Variants in ZNF618 observed in about 807,000 individuals in gnomAD.
ZNF618 encodes neural precursor cell expressed, developmentally down-regulated 10.
ZNF618 carries 34 observed loss-of-function variants against 103.0 expected under a neutral mutation model. The ratio of observed to expected loss-of-function variants is 0.33; its 90% CI spans 0.25 to 0.44. ZNF618 has a LOEUF of 0.44. ZNF618 is among the 20% of genes least tolerant of loss of function. The pLI, the probability that ZNF618 is intolerant of heterozygous loss-of-function variation, is 1.00. For synonymous variants in ZNF618, 551 were observed against 542.2 expected, an observed-to-expected ratio of 1.02 and a Z score of -0.23; for missense variants, 1,059 against 1,295.4, an observed-to-expected ratio of 0.82 and a Z score of 2.80.
intron 11 of ZNF618, 76 bp downstream of exon 11, chr9:114,029,048 G>A: frequency 9.4e-6 from 14 of 1,494,134 alleles, no homozygotes; most frequent in East Asian, 2.5e-5. Flanking sequence ...TGTGCCTGGG[G>A]TTGTTGTTGC....
intron 1 of ZNF618, among the ~76,000 whole-genome samples, chr9:113,917,504 C>G (rs977859304): frequency 1.3e-5 from 2 of 151,672 alleles, no homozygotes; most frequent in Admixed American, 6.6e-5. Context: ...TCCACCTGTC[C>G]CGGCCTCCTA....
At chr9:113,881,415 TA>T (rs1441254669) in intron 1 of ZNF618, among the ~76,000 whole-genome samples, 2 of 152,174 alleles carry the variant, frequency 1.3e-5, no homozygotes, top group African/African-American at 4.8e-5. Context: ...TTAAGGAAAG[TA>T]AAAGAAACGG....
chr9:113,877,084 T>G (rs1050285741), intron 1 of ZNF618, among the ~76,000 whole-genome samples: 5 of 152,068 alleles, frequency 3.3e-5, no homozygotes, highest in Non-Finnish European at 5.9e-5. Flanking sequence ...TTTTTTTTTC[T>G]TTTTTCGGGT....
At position 114,002,003 on chromosome 9, in the gene ZNF618, C is replaced by T. The variant is rs4978561; in HGVS notation, c.441C>T (p.Tyr147=). Residue 147 remains tyrosine (Y), a synonymous_variant, in exon 5 of 15, where the codon TAC becomes TAT. Coordinates refer to ENST00000374126, the MANE Select transcript of ZNF618 (RefSeq NM_001318042.2). ...TCCTCTTCTGTTTTCCAGGGTCTTA[C>T]GAATGCGGAATCTGTGGCAAGAAGT... ...DQALRYASGS[Y]ECGICGKKYK... 0.35 allele frequency: 562,910 copies of T among 1,611,940 alleles called. 104,481 individuals are homozygous for T. The highest frequency in any genetic ancestry group is 0.64 in the East Asian group (28,915 of 44,830).
At chr9:113,901,037 C>T (rs1187193899) in intron 1 of ZNF618, among the ~76,000 whole-genome samples, 1 of 65,692 alleles carries the variant, frequency 1.5e-5, no homozygotes, top group African/African-American at 6.6e-5. Context: ...CTAACCCGAC[C>T]TCCTGTCTCC....
intron 13 of ZNF618, among the ~76,000 whole-genome samples, chr9:114,044,770 A>G (rs568947421): frequency 2.0e-5 from 3 of 151,814 alleles, no homozygotes; most frequent in South Asian, 2.1e-4. Context: ...TTAATTAAGC[A>G]TATTCCTAAG....
chr9:114,048,609 A>T, intron 14 of ZNF618, 42 bp from the exon 15 acceptor site: 1 of 1,569,496 alleles, frequency 6.4e-7, no homozygotes. Flanking sequence ...AGCAGCCTTG[A>T]ATGCCAGAAT....
chr9:113,879,396 T>TG lies in ZNF618; in HGVS notation c.33+2984dup, dbSNP rs1178019051. On this transcript the variant is annotated intron_variant, in intron 1 of 14. Coordinates refer to ENST00000374126, the MANE Select transcript of ZNF618 (RefSeq NM_001318042.2). The stretch of plus-strand genomic sequence containing the variant: ...TGTAGAACTGTTTTTTTTTTTTTTC[T>TG]GTTTTTTTTTTTTTTTTAAATTGGT... Among the ~76,000 whole-genome samples, 304 of 133,490 alleles carry TG rather than the reference T, an allele frequency of 2.3e-3. 1 individual carries two copies. The highest frequency in any genetic ancestry group is 9.2e-3 in the African/African-American group (288 of 31,428). The allele number at this position is 133,490 out of a possible 152,430, so 87.6% of individuals were successfully genotyped here. A position where few individuals can be genotyped will look rare whatever the true frequency, so the allele number is the denominator to read the frequency against.
At chr9:113,907,405 G>T (rs1419980288) in intron 1 of ZNF618, among the ~76,000 whole-genome samples, 1 of 152,072 alleles carries the variant, frequency 6.6e-6, no homozygotes, top group Non-Finnish European at 1.5e-5. Flanking sequence ...CCCTGCCCTG[G>T]TGAGTTTTTT....
In ZNF618 at chr9:114,049,387, C is replaced by A; in HGVS notation, c.2085C>A (p.Asn695Lys). Residue 695 changes from asparagine (N) to lysine (K), a missense_variant, in exon 15 of 15, where the codon AAC (asparagine) becomes AAA (lysine). Coordinates refer to ENST00000374126, the MANE Select transcript of ZNF618 (RefSeq NM_001318042.2). ...AGACGTCTCCACCACCCTGCTGGAA[C>A]TCGGTGACGGACTCACTGTTGCTGG... ...LEETSPPPCWNSVTDSLLLVH... is the reference protein window; with the variant it reads ...LEETSPPPCWKSVTDSLLLVH... 6.2e-7 allele frequency: 1 copy of A among 1,604,634 alleles called. No homozygotes were observed. Among genetic ancestry groups the A allele is most frequent in the South Asian group, 1.1e-5 (1 of 89,724 alleles).
intron 11 of ZNF618, 26 bp downstream of exon 11, chr9:114,028,998 C>T: frequency 6.5e-7 from 1 of 1,539,620 alleles, no homozygotes; most frequent in African/African-American, 1.4e-5. Flanking sequence ...GTGACCCCCA[C>T]ACTTTCTCCC....
chr9:113,988,599 T>G lies in ZNF618; in HGVS notation c.337+19T>G. Reference sequence around the variant, plus strand: ...ACCCTTGGTGAGTGCCCAGCGTCTGTGGTCAGGGTGGAGACCAGGGTGGGA... The same window carrying G: ...ACCCTTGGTGAGTGCCCAGCGTCTGGGGTCAGGGTGGAGACCAGGGTGGGA... On this transcript the variant is annotated intron_variant, in intron 3 of 14. Transcript: ENST00000374126. 2.5e-6 allele frequency: 4 copies of G among 1,592,010 alleles called. No individual in the cohort carries two copies. The highest frequency in any genetic ancestry group is 3.4e-6 in the Non-Finnish European group (4 of 1,172,286).
intron 1 of ZNF618, among the ~76,000 whole-genome samples, chr9:113,965,518 A>G (rs1399241074): frequency 6.6e-6 from 1 of 151,970 alleles, no homozygotes; most frequent in Non-Finnish European, 1.5e-5. Context: ...GCTTAGATAC[A>G]CCTTCACCCC....
chr9:114,036,289 TCTCC>T lies in ZNF618; in HGVS notation c.1169-6_1169-3del. The T allele has an allele frequency of 6.4e-7, 1 of 1,563,900 alleles. No individual in the cohort carries two copies. The highest frequency in any genetic ancestry group is 8.7e-7 in the Non-Finnish European group (1 of 1,153,622). ...CCACCCCTCACGTGGCTGCCGCATT[TCTCC>T]CTCCAGAACCCTACACCTGCGGCGC... On this transcript the variant is annotated splice_polypyrimidine_tract_variant and splice_region_variant and intron_variant, in intron 12 of 14. Transcript: ENST00000374126.
chr9:114,045,262 G>A (rs1035364626), intron 13 of ZNF618, among the ~76,000 whole-genome samples: 1 of 152,078 alleles, frequency 6.6e-6, no homozygotes, highest in African/African-American at 2.4e-5. Context: ...AGGCAGTGGT[G>A]TCAGGAAACC....
At chr9:114,043,651 T>A (rs551152263) in intron 13 of ZNF618, among the ~76,000 whole-genome samples, 148 of 152,342 alleles carry the variant, frequency 9.7e-4, no homozygotes, top group African/African-American at 2.7e-3. Flanking sequence ...GTTGTGCTAG[T>A]TCACATTCCC....
intron 1 of ZNF618, among the ~76,000 whole-genome samples, chr9:113,915,382 G>T (rs549862801): frequency 5.9e-5 from 9 of 152,286 alleles, no homozygotes; most frequent in African/African-American, 2.2e-4. Flanking sequence ...AAGTCAGGCC[G>T]TTGGTTCCCT....
Position 113,987,600 on chromosome 9 carries a change from A to G in ZNF618, c.78-721A>G, listed in dbSNP as rs562193107. ...CTTGCCTAGGAACGAAGGGAACAGC[A>G]CTGGATATCGCGTACATCAAAGCAC... is the stretch of plus-strand genomic sequence containing the variant. On this transcript the variant is annotated intron_variant, in intron 2 of 14. Transcript: ENST00000374126. 4.0e-3 allele frequency among the ~76,000 whole-genome samples: 605 copies of G among 152,344 alleles called. 5 individuals carry two copies. The highest frequency in any genetic ancestry group is 0.012 in the African/African-American group (502 of 41,570).
intron 1 of ZNF618, among the ~76,000 whole-genome samples, chr9:113,890,366 T>A (rs1236253125): frequency 6.6e-6 from 1 of 152,204 alleles, no homozygotes; most frequent in Non-Finnish European, 1.5e-5. Flanking sequence ...GCAAATGGGA[T>A]TATATTCCAT....
Sources: gnomAD v4.1 joint callset for allele counts (sites outside exome capture counted in the v4.1 genomes callset) on GRCh38, gnomAD v4.1.1 for gene constraint, MANE v1.5 for transcripts, NCBI Gene and HGNC (gene_info 2026-07-23, HGNC 2026-07-21) for gene names.